CSMD1: variants seen among roughly 807,000 people sequenced by gnomAD.
The protein encoded by CSMD1 is CUB and Sushi multiple domains 1.
Under a neutral mutation model 417.5 loss-of-function variants are expected in CSMD1, and 213 were observed. The observed-to-expected ratio is 0.51, with a 90% CI of 0.46 to 0.57. CSMD1 has a LOEUF of 0.57. Among genes scored for constraint, CSMD1 ranks in the 20% least tolerant of loss-of-function variants. CSMD1 has a pLI of 0.00. For synonymous variants in CSMD1, 2,862 were observed against 1,736.8 expected (o/e 1.65, Z -16.11); for missense variants, 6,923 against 4,529.7 (o/e 1.53, Z -15.17).
At chr8:3,659,707 A>G (rs1469127359) in intron 7 of CSMD1, among the ~76,000 whole-genome samples, 1 of 152,194 alleles carries the variant, frequency 6.6e-6, no homozygotes, top group Non-Finnish European at 1.5e-5. Flanking sequence ...AACAAGCTCA[A>G]ATCAGTTCTA....
chr8:4,990,844 A>G (rs577229550), intron 1 of CSMD1, among the ~76,000 whole-genome samples: 68 of 152,262 alleles, frequency 4.5e-4, no homozygotes, highest in Middle Eastern at 6.8e-3. Context: ...AACTCATCTA[A>G]AACCATGCAG....
intron 5 of CSMD1, among the ~76,000 whole-genome samples, chr8:3,980,088 AT>A (rs1813735782): frequency 6.6e-6 from 1 of 151,706 alleles, no homozygotes; most frequent in African/African-American, 2.4e-5. Flanking sequence ...TTCCTAATTG[AT>A]TACTTTTGTC....
At chr8:4,239,040 T>G (rs761422652) in intron 3 of CSMD1, among the ~76,000 whole-genome samples, 62 of 152,220 alleles carry the variant, frequency 4.1e-4, no homozygotes, top group Non-Finnish European at 7.5e-4. Flanking sequence ...TTTGCTGAAA[T>G]ATCACACATC....
At chr8:4,575,366 G>A (rs371146058) in intron 2 of CSMD1, among the ~76,000 whole-genome samples, 3 of 152,186 alleles carry the variant, frequency 2.0e-5, no homozygotes, top group African/African-American at 4.8e-5. Context: ...AAAGTTGCGG[G>A]ATGAAAAGGA....
At chr8:4,116,528 T>TGCCTGC (rs1188118013) in intron 3 of CSMD1, among the ~76,000 whole-genome samples, 2 of 69,840 alleles carry the variant, frequency 2.9e-5, no homozygotes, top group Admixed American at 1.5e-4. Context: ...TGAGTGCAGG[T>TGCCTGC]ACCTGGATGG....
chr8:4,945,763 A>T (rs188656241), intron 1 of CSMD1, among the ~76,000 whole-genome samples: 1 of 152,236 alleles, frequency 6.6e-6, no homozygotes, highest in African/African-American at 2.4e-5. Flanking sequence ...CCTGGAGAAG[A>T]TGATGAATAC....
chr8:4,314,037 G>T (rs562795462), intron 3 of CSMD1, among the ~76,000 whole-genome samples: 1 of 147,384 alleles, frequency 6.8e-6, no homozygotes, highest in Non-Finnish European at 1.5e-5. Flanking sequence ...TAATAATAAT[G>T]ATAATAATAA....
intron 1 of CSMD1, among the ~76,000 whole-genome samples, chr8:4,834,665 GA>G (rs201587933): frequency 2.7e-5 from 4 of 149,734 alleles, no homozygotes; most frequent in Admixed American, 1.3e-4. Context: ...GAATTAAAAG[GA>G]AAAAAAAAGG....
intron 20 of CSMD1, among the ~76,000 whole-genome samples, chr8:3,365,422 T>C (rs1361588387): frequency 6.6e-6 from 1 of 152,220 alleles, no homozygotes; most frequent in Non-Finnish European, 1.5e-5. Flanking sequence ...ATAATGTTAA[T>C]CAACATGCAC....
intron 4 of CSMD1, among the ~76,000 whole-genome samples, chr8:4,014,097 C>G (rs571457535): frequency 9.9e-5 from 15 of 152,252 alleles, no homozygotes; most frequent in Non-Finnish European, 1.3e-4. Context: ...TCAATGCCCT[C>G]AAACTCAGCA....
chr8:3,965,102 T>C (rs183017061), intron 5 of CSMD1, among the ~76,000 whole-genome samples: 172 of 152,328 alleles, frequency 1.1e-3, no homozygotes, highest in Middle Eastern at 6.8e-3. Flanking sequence ...AGTAAATGGA[T>C]AACTTCAGGC....
At chr8:3,799,613 G>T (rs1220288720) in intron 5 of CSMD1, among the ~76,000 whole-genome samples, 5 of 151,710 alleles carry the variant, frequency 3.3e-5, no homozygotes, top group Non-Finnish European at 7.4e-5. Flanking sequence ...AGTAAAGAAA[G>T]ACCCCATTTG....
At chr8:4,512,761 A>G (rs1440869987) in intron 2 of CSMD1, among the ~76,000 whole-genome samples, 1 of 150,900 alleles carries the variant, frequency 6.6e-6, no homozygotes, top group Non-Finnish European at 1.5e-5. Flanking sequence ...GAAGAACTCT[A>G]TAAAACTCTG....
intron 1 of CSMD1, among the ~76,000 whole-genome samples, chr8:4,697,420 G>A (rs1057459691): frequency 6.6e-6 from 1 of 152,020 alleles, no homozygotes; most frequent in African/African-American, 2.4e-5. Context: ...GTGTATTTGG[G>A]CATGCTCATA....
At chr8:4,919,271 G>A (rs986949057) in intron 1 of CSMD1, among the ~76,000 whole-genome samples, 5 of 152,174 alleles carry the variant, frequency 3.3e-5, no homozygotes, top group African/African-American at 1.2e-4. Context: ...GGAAAAAGAA[G>A]AGTTCTGTCA....
At chr8:4,713,973 C>T (rs1048061616) in intron 1 of CSMD1, among the ~76,000 whole-genome samples, 2 of 152,000 alleles carry the variant, frequency 1.3e-5, no homozygotes, top group African/African-American at 2.4e-5. Flanking sequence ...GGTAAAACCC[C>T]GTCTCCACTA....
intron 3 of CSMD1, among the ~76,000 whole-genome samples, chr8:4,133,002 C>G (rs1053965058): frequency 6.6e-6 from 1 of 152,124 alleles, no homozygotes; most frequent in African/African-American, 2.4e-5. Context: ...GGCGCGATCT[C>G]GGCTCACTGC....
intron 3 of CSMD1, among the ~76,000 whole-genome samples, chr8:4,090,043 A>T (rs1477828902): frequency 2.0e-5 from 3 of 152,226 alleles, no homozygotes; most frequent in Non-Finnish European, 4.4e-5. Flanking sequence ...ATATTGATTT[A>T]TCATAGGACA....
chr8:3,288,303 T>G (rs565561963), intron 25 of CSMD1, among the ~76,000 whole-genome samples: 7 of 147,300 alleles, frequency 4.8e-5, no homozygotes, highest in Admixed American at 3.3e-4. Flanking sequence ...GGTATGAGGA[T>G]GATGTTGGCC....
Sources: gnomAD v4.1 joint callset for allele counts (sites outside exome capture counted in the v4.1 genomes callset) on GRCh38, gnomAD v4.1.1 for gene constraint, MANE v1.5 for transcripts, NCBI Gene and HGNC (gene_info 2026-07-23, HGNC 2026-07-21) for gene names.